TGFBR3: variants seen among roughly 807,000 people sequenced by gnomAD.
TGFBR3 encodes the protein transforming growth factor beta receptor type 3.
A neutral mutation model predicts 87.9 loss-of-function variants in TGFBR3; 46 were observed. That is an observed-to-expected ratio of 0.52 (90% confidence interval 0.41 to 0.67). TGFBR3 has a LOEUF of 0.67. Among genes scored for constraint, TGFBR3 ranks in the 30% least tolerant of loss-of-function variants. TGFBR3 has a pLI of 0.00. For synonymous variants in TGFBR3, 381 were observed against 391.6 expected (o/e 0.97, Z 0.32); for missense variants, 866 against 1,041.9 (o/e 0.83, Z 2.32).
chr1:91,800,352 GTGTA>G (rs1324171889), intron 2 of TGFBR3, among the ~76,000 whole-genome samples: 185 of 148,692 alleles, frequency 1.2e-3, no homozygotes, highest in Admixed American at 2.5e-3. Context: ...GTGTGTGTGT[GTGTA>G]TATAAAAGCA....
intron 13 of TGFBR3, among the ~76,000 whole-genome samples, chr1:91,709,998 A>C (rs1671924772): frequency 6.6e-6 from 1 of 152,186 alleles, no homozygotes; most frequent in Non-Finnish European, 1.5e-5. Context: ...GCAAGCTGCC[A>C]AGCTCAGCCT....
chr1:91,850,080 C>CAAAAAAAAAAAAAAAAAA (rs376631972), intron 2 of TGFBR3, among the ~76,000 whole-genome samples: 29 of 52,100 alleles, frequency 5.6e-4, no homozygotes, highest in South Asian at 8.5e-4. Flanking sequence ...GACTCCATCT[C>CAAAAAAAAAAAAAAAAAA]AAAAAAAAAA....
At chr1:91,732,446 T>C (rs772725515) in intron 5 of TGFBR3, among the ~76,000 whole-genome samples, 15 of 152,152 alleles carry the variant, frequency 9.9e-5, no homozygotes, top group African/African-American at 1.9e-4. Context: ...CCCCAAGTGA[T>C]GCGGATGCTG....
chr1:91,798,295 G>A (rs1675466098), intron 2 of TGFBR3, among the ~76,000 whole-genome samples: 1 of 152,116 alleles, frequency 6.6e-6, no homozygotes, highest in Non-Finnish European at 1.5e-5. Flanking sequence ...CAAAGCAAAT[G>A]CCTGCCGTTG....
chr1:91,798,073 A>G (rs1461622853), intron 2 of TGFBR3, among the ~76,000 whole-genome samples: 1 of 152,208 alleles, frequency 6.6e-6, no homozygotes, highest in Non-Finnish European at 1.5e-5. Flanking sequence ...AGTGCTGGTC[A>G]TACTTGGTTC....
intron 7 of TGFBR3, among the ~76,000 whole-genome samples, chr1:91,726,061 G>C (rs1410681612): frequency 6.6e-6 from 1 of 152,126 alleles, no homozygotes; most frequent in Non-Finnish European, 1.5e-5. Flanking sequence ...AATTGGCCTG[G>C]AACAAGCGTA....
intron 14 of TGFBR3, among the ~76,000 whole-genome samples, chr1:91,703,527 G>T (rs570839750): frequency 6.6e-6 from 1 of 152,126 alleles, no homozygotes; most frequent in Non-Finnish European, 1.5e-5. Context: ...GGCAAATTTT[G>T]GAATGATATT....
chr1:91,861,330 G>T, intron 2 of TGFBR3, 141 bp downstream of exon 2: 1 of 700,318 alleles, frequency 1.4e-6, no homozygotes. Context: ...AGCCCAGGAG[G>T]TAGAGCCTAC....
At position 91,849,878 on chromosome 1, in the gene TGFBR3, T is replaced by G. The variant is rs572599172; in HGVS notation, c.61+11593A>C. ...CGGGCCGATCACGAGGTCAGGAGAT[T>G]GAGACCATCCTGGCTAACACGGTGA... On this transcript the variant is annotated intron_variant, in intron 2 of 16. Transcript: ENST00000212355. Among the ~76,000 whole-genome samples the G allele has an allele frequency of 1.2e-4, 18 of 151,946 alleles. No individual in the cohort carries two copies. The East Asian group carries it at 2.9e-3, about 25-fold the overall frequency.
At chr1:91,893,020 A>G (rs913099450) in intron 2 of TGFBR3, among the ~76,000 whole-genome samples, 1 of 152,206 alleles carries the variant, frequency 6.6e-6, no homozygotes, top group Non-Finnish European at 1.5e-5. Flanking sequence ...CTTCATTTCA[A>G]CAAGTAGAAG....
chr1:91,717,866 G>A (rs896206112), intron 10 of TGFBR3, among the ~76,000 whole-genome samples: 1 of 132,544 alleles, frequency 7.5e-6, no homozygotes, highest in Non-Finnish European at 1.6e-5. Flanking sequence ...CTCTCCTGAA[G>A]CAACTGACTT....
At position 91,797,376 on chromosome 1, in the gene TGFBR3, C is replaced by T; in HGVS notation, c.157G>A (p.Ala53Thr). The T allele has an allele frequency of 6.2e-7, 1 of 1,614,212 alleles. No individual in the cohort carries two copies. The change falls in exon 3 of 17, where the codon GCC becomes ACC. Residue 53 changes from alanine to threonine, a missense_variant. Transcript: ENST00000212355. ...MESFTVLSGCASRGTTGLPQE... is the reference protein window; with the variant it reads ...MESFTVLSGCTSRGTTGLPQE... The stretch of plus-strand genomic sequence containing the variant: ...GGCAGCCCAGTTGTGCCTCTGCTGG[C>T]ACAGCCTGACAAAACAGTGAAGCTC...
intron 14 of TGFBR3, among the ~76,000 whole-genome samples, chr1:91,701,093 A>G (rs1671602891): frequency 6.6e-6 from 1 of 152,138 alleles, no homozygotes; most frequent in Non-Finnish European, 1.5e-5. Context: ...TTTAAGTTTT[A>G]TAGTAAGGCC....
intron 15 of TGFBR3, 124 bp from the exon 16 acceptor site, chr1:91,695,903 T>C (rs1671422239): frequency 2.4e-6 from 2 of 825,730 alleles, no homozygotes; most frequent in Non-Finnish European, 4.1e-6. Context: ...GAGAATGCAA[T>C]GAAGATTCCA....
intron 1 of TGFBR3, among the ~76,000 whole-genome samples, chr1:91,864,724 C>T (rs1678322997): frequency 6.6e-6 from 1 of 152,154 alleles, no homozygotes; most frequent in African/African-American, 2.4e-5. Context: ...GGAATCAGTT[C>T]CCTGGAATGC....
intron 3 of TGFBR3, chr1:91,783,335 T>A (rs1468801854): frequency 6.6e-6 from 1 of 152,204 alleles, no homozygotes; most frequent in Non-Finnish European, 1.5e-5. Context: ...ACTAGAACCC[T>A]GTCTAATATC....
At chr1:91,824,216 G>T (rs1268003322) in intron 2 of TGFBR3, among the ~76,000 whole-genome samples, 1 of 152,182 alleles carries the variant, frequency 6.6e-6, no homozygotes, top group Non-Finnish European at 1.5e-5. Flanking sequence ...AAGAAAAAAA[G>T]AGTATGTAGT....
chr1:91,843,010 C>T (rs2799547), intron 2 of TGFBR3, among the ~76,000 whole-genome samples: 21,758 of 152,000 alleles, frequency 0.14, 1,986 homozygotes, highest in East Asian at 0.38. Flanking sequence ...GTAAAACTTA[C>T]GGAAAATAAA....
rs66734136 is a variant in TGFBR3 at position 91,806,475 on chromosome 1, CG to C, written c.62-9005del. 1.9e-3 allele frequency among the ~76,000 whole-genome samples: 290 copies of C among 151,474 alleles called. 1 individual carries two copies. Among genetic ancestry groups the C allele is most frequent in the African/African-American group, 5.9e-3 (242 of 41,268 alleles). ...CATGCAACATGGACAAAAATACTGG[CG>C]GGGGGGGTAATGTTTTGGAGAAGAC... is the stretch of plus-strand genomic sequence containing the variant. On this transcript the variant is annotated intron_variant, in intron 2 of 16. Transcript: ENST00000212355.
Sources: allele counts gnomAD v4.1 joint callset (sites outside exome capture counted in the v4.1 genomes callset), GRCh38; gene constraint gnomAD v4.1.1; transcripts MANE v1.5; gene names NCBI Gene and HGNC (gene_info 2026-07-23, HGNC 2026-07-21).